HDX: variants seen among roughly 807,000 people sequenced by gnomAD.
HDX encodes the protein chromosome X open reading frame 43.
HDX carries 19 observed loss-of-function variants against 45.2 expected under a neutral mutation model. That is an observed-to-expected ratio of 0.42 (90% confidence interval 0.29 to 0.62). HDX has a LOEUF of 0.62. Ranked by LOEUF, HDX falls within the 20% of genes least tolerant of loss-of-function variation. The pLI, the probability that HDX is intolerant of heterozygous loss-of-function variation, is 0.20. For missense variants in HDX, 532 were observed against 493.9 expected, an observed-to-expected ratio of 1.08 and a Z score of -0.73; for synonymous variants, 188 against 172.8, an observed-to-expected ratio of 1.09 and a Z score of -0.69.
intron 5 of HDX, among the ~76,000 whole-genome samples, chrX:84,383,361 C>T (rs111976557): frequency 0.25 from 27,435 of 110,592 alleles, 2,570 homozygotes; most frequent in Non-Finnish European, 0.3. Context: ...AAATATTTAC[C>T]TAGTACAGAA....
intron 5 of HDX, among the ~76,000 whole-genome samples, chrX:84,388,479 G>T (rs1259535218): frequency 9.0e-6 from 1 of 111,452 alleles, no homozygotes; most frequent in Non-Finnish European, 1.9e-5. Context: ...ATATTTCTAA[G>T]AGGTTTTGTT....
intron 5 of HDX, among the ~76,000 whole-genome samples, chrX:84,389,549 G>A (rs2038394823): frequency 9.0e-6 from 1 of 111,552 alleles, no homozygotes; most frequent in Non-Finnish European, 1.9e-5. Flanking sequence ...TTGGGTTCTG[G>A]CCGCACTGAG....
chrX:84,496,376 A>C (rs2041001415), intron 1 of HDX, among the ~76,000 whole-genome samples: 1 of 110,883 alleles, frequency 9.0e-6, no homozygotes, highest in Non-Finnish European at 1.9e-5. Context: ...ATTAATATAC[A>C]TATTAGTAAG....
intron 5 of HDX, among the ~76,000 whole-genome samples, chrX:84,369,557 C>A (rs2037843499): frequency 8.9e-6 from 1 of 112,062 alleles, no homozygotes; most frequent in African/African-American, 3.2e-5. Flanking sequence ...GTTTTAATTT[C>A]TCTATCTCCT....
At chrX:84,499,995 A>T (rs1325482010) in intron 1 of HDX, 1 of 112,314 alleles carries the variant, frequency 8.9e-6, no homozygotes, top group Non-Finnish European at 1.9e-5. Context: ...TTAAAGATAC[A>T]TGATACAATG....
chrX:84,335,759 CTTAGTG>C (rs2036946037), intron 8 of HDX, among the ~76,000 whole-genome samples: 1 of 111,034 alleles, frequency 9.0e-6, no homozygotes, highest in African/African-American at 3.3e-5. Context: ...GCTTGTTAAA[CTTAGTG>C]TTAGAAGGGT....
At chrX:84,335,243 T>C (rs1298869850) in intron 8 of HDX, among the ~76,000 whole-genome samples, 1 of 110,588 alleles carries the variant, frequency 9.0e-6, no homozygotes, top group Non-Finnish European at 1.9e-5. Context: ...CATATTTGGA[T>C]TGGCTCTGGC....
chrX:84,397,768 T>A (rs746048039), intron 5 of HDX, among the ~76,000 whole-genome samples: 1 of 112,015 alleles, frequency 8.9e-6, no homozygotes, highest in East Asian at 2.8e-4. Context: ...CATCTTGAAG[T>A]ACCTCCAGTC....
intron 6 of HDX, among the ~76,000 whole-genome samples, chrX:84,357,717 A>G (rs368059675): frequency 8.9e-6 from 1 of 112,252 alleles, no homozygotes; most frequent in South Asian, 3.7e-4. Context: ...ACTGCTGTCT[A>G]TTCCCCATAT....
chrX:84,398,090 A>G (rs2038607758), intron 5 of HDX, among the ~76,000 whole-genome samples: 1 of 109,812 alleles, frequency 9.1e-6, no homozygotes, highest in African/African-American at 3.3e-5. Context: ...TATATATAGT[A>G]TGTGTGTATG....
intron 5 of HDX, among the ~76,000 whole-genome samples, chrX:84,380,164 C>A (rs558397738): frequency 1.8e-5 from 2 of 109,026 alleles, no homozygotes; most frequent in Middle Eastern, 4.7e-3. Flanking sequence ...AAAGATTGAA[C>A]CACAAAGATA....
intron 1 of HDX, among the ~76,000 whole-genome samples, chrX:84,499,830 G>A (rs1327135063): frequency 9.0e-6 from 1 of 111,432 alleles, no homozygotes; most frequent in Non-Finnish European, 1.9e-5. Context: ...CTGAAGGATA[G>A]GAAAGTGACA....
intron 6 of HDX, among the ~76,000 whole-genome samples, chrX:84,356,452 T>C (rs915517537): frequency 3.6e-5 from 4 of 110,588 alleles, no homozygotes; most frequent in Non-Finnish European, 7.6e-5. Flanking sequence ...AAATTCTTCC[T>C]CCTTTTTCAC....
chrX:84,393,098 T>C (rs1172162700), intron 5 of HDX, among the ~76,000 whole-genome samples: 1 of 111,714 alleles, frequency 9.0e-6, no homozygotes, highest in Non-Finnish European at 1.9e-5. Context: ...CCTTGTATTG[T>C]TCCAGTTCTT....
At chrX:84,420,850 C>T (rs6623026) in intron 5 of HDX, among the ~76,000 whole-genome samples, 8,112 of 111,062 alleles carry the variant, frequency 0.073, 442 homozygotes, top group East Asian at 0.42. Context: ...ATACCTACAG[C>T]GCTGAAGGAA....
chrX:84,497,376 C>T (rs1021390246), intron 1 of HDX, among the ~76,000 whole-genome samples: 3 of 110,891 alleles, frequency 2.7e-5, no homozygotes, highest in Non-Finnish European at 3.8e-5. Context: ...TTAAGCTAGC[C>T]AAATAAGAAA....
At chrX:84,401,434 T>G (rs2018256247) in intron 5 of HDX, among the ~76,000 whole-genome samples, 1 of 112,185 alleles carries the variant, frequency 8.9e-6, no homozygotes. Flanking sequence ...AAGACATTTA[T>G]GTGGCCAAGA....
At chrX:84,337,190 A>C (rs919942957) in intron 7 of HDX, among the ~76,000 whole-genome samples, 1 of 110,975 alleles carries the variant, frequency 9.0e-6, no homozygotes, top group Non-Finnish European at 1.9e-5. Flanking sequence ...GAAGCCGCTA[A>C]AATTGAAATA....
chrX:84,440,524 T>C lies in HDX; in HGVS notation c.1305+8A>G, dbSNP rs2039737305. On this transcript the variant is annotated splice_region_variant and intron_variant, in intron 5 of 10. Transcript: ENST00000373177. Reference sequence around the variant, plus strand: ...CCCATTTGCTGCTTTAAATGAAAGATTACTTACTGCTCTTTTTCTAGAACA... The same window carrying C: ...CCCATTTGCTGCTTTAAATGAAAGACTACTTACTGCTCTTTTTCTAGAACA... The C allele has an allele frequency of 4.4e-6, 5 of 1,148,572 alleles. No individual in the cohort carries two copies. The highest frequency in any genetic ancestry group is 5.9e-6 in the Non-Finnish European group (5 of 840,937). The allele number at this position is 1,148,572 out of a possible 1,213,427, so 94.7% of individuals were successfully genotyped here.
Sources: allele counts gnomAD v4.1 joint callset (sites outside exome capture counted in the v4.1 genomes callset), GRCh38; gene constraint gnomAD v4.1.1; transcripts MANE v1.5; gene names NCBI Gene and HGNC (gene_info 2026-07-23, HGNC 2026-07-21).